Variants in GREP1 observed in about 807,000 individuals in gnomAD.
GREP1 encodes glycine-rich extracellular protein 1.
At chr16:2,990,788 T>C (rs533920995) in intron 7 of GREP1, among the ~76,000 whole-genome samples, 73 of 152,228 alleles carry the variant, frequency 4.8e-4, no homozygotes, top group African/African-American at 1.6e-3. Context: ...GATGTCTGGC[T>C]TGGTAAGGGG....
chr16:2,990,397 G>A (rs1452676632), intron 5 of GREP1, 155 bp from the exon 6 acceptor site: 3 of 398,872 alleles, frequency 7.5e-6, no homozygotes, highest in African/African-American at 6.2e-5. Flanking sequence ...AGGATTCTAG[G>A]GGTATCCCTG....
chr16:3,000,725 G>A, exon 33 of GREP1: 1 of 399,036 alleles, frequency 2.5e-6, no homozygotes, highest in Non-Finnish European at 4.4e-6. Context: ...GCAGGCCGGG[G>A]TGCTGTGGAA....
intron 5 of GREP1, 165 bp downstream of exon 5, chr16:2,990,287 G>T: frequency 2.5e-6 from 1 of 397,952 alleles, no homozygotes; most frequent in South Asian, 1.4e-4. Context: ...CCTCAGCTGG[G>T]ACCCCAAACC....
At chr16:2,999,513 C>T (rs1444959969) in intron 27 of GREP1, among the ~76,000 whole-genome samples, 2 of 124,594 alleles carry the variant, frequency 1.6e-5, no homozygotes, top group Non-Finnish European at 3.1e-5. Context: ...TTGAGACAGT[C>T]TCGCTCTGTC....
chr16:2,998,868 G>A (rs1001145304), exon 26 of GREP1: 16 of 398,956 alleles, frequency 4.0e-5, no homozygotes, highest in African/African-American at 8.2e-5. Context: ...TGCGAGGGTC[G>A]CTCCGATGCT....
In GREP1 at chr16:2,994,733, G is replaced by GGCGGGGCTGGGGTTTGGGGAGGC. The variant is rs2072415811; in HGVS notation, c.415+7_415+29dup. 2.5e-6 allele frequency: 1 copy of GGCGGGGCTGGGGTTTGGGGAGGC among 399,010 alleles called. No individual in the cohort carries two copies. The highest frequency in any genetic ancestry group is 2.1e-5 in the African/African-American group (1 of 48,632). 24.7% of individuals were successfully genotyped at this position (399,010 alleles called of 1,614,324 possible). On this transcript the variant is annotated splice_region_variant and intron_variant, in intron 11 of 34. Coordinates refer to ENST00000573315, the Ensembl canonical transcript of GREP1. ...TCAAAATGGCTATAGACCAGGTAGG[G>GGCGGGGCTGGGGTTTGGGGAGGC]GCGGGGCTGGGGTTTGGGGAGGCCC... is the stretch of plus-strand genomic sequence containing the variant.
intron 24 of GREP1, 40 bp from the exon 23 acceptor site, chr16:2,998,454 C>T (rs1443114005): frequency 2.5e-6 from 1 of 399,232 alleles, no homozygotes; most frequent in Non-Finnish European, 4.4e-6. Context: ...TAGCCTCTGC[C>T]CCCAGTGTTG....
At chr16:2,997,284 C>T (rs2151105249) in intron 21 of GREP1, 199 bp downstream of exon 20, 1 of 398,656 alleles carries the variant, frequency 2.5e-6, no homozygotes, top group Non-Finnish European at 4.4e-6. Flanking sequence ...GAGGTGGCGC[C>T]AGGATCCCTG....
chr16:2,996,447 A>AC, intron 18 of GREP1, 49 bp from the exon 18 acceptor site: 1 of 397,156 alleles, frequency 2.5e-6, no homozygotes. Flanking sequence ...TCCTCCTGAC[A>AC]CCCCCTCCGA....
chr16:2,993,005 GCA>G lies in GREP1; in HGVS notation c.385+43_385+44del, dbSNP rs564636920. The G allele has an allele frequency of 4.2e-4, 167 of 398,898 alleles. 1 individual carries two copies. In the South Asian group the frequency reaches 7.9e-3, roughly 19 times the overall value. 24.7% of individuals were successfully genotyped at this position (398,898 alleles called of 1,614,324 possible). On this transcript the variant is annotated intron_variant, in intron 10 of 34. Coordinates refer to ENST00000573315, the Ensembl canonical transcript of GREP1. ...CCCTGTCTCCCTGCCCATTTCCTAT[GCA>G]TCTGCCGCTGCTTCCCTAGAGTCCC... is the stretch of plus-strand genomic sequence containing the variant.
chr16:2,993,025 A>G, intron 10 of GREP1, 62 bp downstream of exon 11: 1 of 398,442 alleles, frequency 2.5e-6, no homozygotes, highest in South Asian at 1.3e-4. Context: ...CTGCTTCCCT[A>G]GAGTCCCTGA....
intron 33 of GREP1, 124 bp from the exon 28 acceptor site, chr16:3,001,157 T>C (rs112848284): frequency 2.0e-5 from 8 of 398,370 alleles, no homozygotes; most frequent in African/African-American, 8.2e-5. Flanking sequence ...TCTGAGAAAC[T>C]GAGGCAGAGC....
At chr16:2,990,864 G>A (rs914444781) in intron 7 of GREP1, among the ~76,000 whole-genome samples, 184 bp from the exon 7 acceptor site, 3 of 152,158 alleles carry the variant, frequency 2.0e-5, no homozygotes, top group Admixed American at 1.3e-4. Context: ...AGCCCAGGGC[G>A]GGGAGGTGGG....
intron 10 of GREP1, chr16:2,993,356 A>C: frequency 6.3e-6 from 1 of 158,694 alleles, no homozygotes; most frequent in Non-Finnish European, 1.4e-5. Flanking sequence ...CGACAAACCA[A>C]TCCAGGCCTG....
At chr16:3,001,961 A>G (rs572707480) in exon 35 of GREP1, 78 of 254,132 alleles carry the variant, frequency 3.1e-4, no homozygotes, top group African/African-American at 1.5e-3. Flanking sequence ...AGAACACTTC[A>G]TTCTTTGTGT....
At position 2,989,438 on chromosome 16, in the gene GREP1, C is replaced by G; in HGVS notation, c.101-85C>G. The G allele has an allele frequency of 2.5e-6, 1 of 399,108 alleles. No homozygotes were observed. The highest frequency in any genetic ancestry group is 4.4e-6 in the Non-Finnish European group (1 of 226,116). 24.7% of individuals were successfully genotyped at this position (399,108 alleles called of 1,614,324 possible). On this transcript the variant is annotated intron_variant, in intron 2 of 34. Transcript: ENST00000573315. The surrounding 1 kb of genome is among the most constrained non-coding windows in gnomAD (Gnocchi z 4.2). ...CCAAATGGCTACAGATCTGGTAAAGCTGGTGGCGGGGTGCTTGGGGAGGGT... is the reference window on the plus strand; with the variant it reads ...CCAAATGGCTACAGATCTGGTAAAGGTGGTGGCGGGGTGCTTGGGGAGGGT...
chr16:3,001,614 C>A, exon 35 of GREP1: 1 of 399,182 alleles, frequency 2.5e-6, no homozygotes, highest in East Asian at 3.6e-5. Flanking sequence ...GCCTGCCCAG[C>A]AAGGAAGACA....
chr16:2,998,725 G>T, intron 25 of GREP1, 123 bp from the exon 24 acceptor site: 1 of 398,498 alleles, frequency 2.5e-6, no homozygotes, highest in Non-Finnish European at 4.4e-6. Context: ...TCCCCCTAAG[G>T]TGCTGGGTCT....
rs1328507776 is a variant in GREP1, at chr16:2,989,393, A to T, written c.101-130A>T. The stretch of plus-strand genomic sequence containing the variant: ...TGTAAGTTCCCCTGCTTCCCCCTGA[A>T]CCCCACAGGCTTAGGGAGCCCAAAT... On this transcript the variant is annotated intron_variant, in intron 2 of 34. Coordinates refer to ENST00000573315, the Ensembl canonical transcript of GREP1. This position sits in a 1 kb window ranked among gnomAD's most constrained non-coding sequence, Gnocchi z 4.2. 2.5e-6 allele frequency: 1 copy of T among 398,196 alleles called. No individual in the cohort carries two copies. Among genetic ancestry groups the T allele is most frequent in the African/African-American group, 2.1e-5 (1 of 48,542 alleles). 24.7% of individuals were successfully genotyped at this position (398,196 alleles called of 1,614,324 possible). A position where few individuals can be genotyped will look rare whatever the true frequency, so the allele number is the denominator to read the frequency against.
Sources: gnomAD v4.1 joint callset for allele counts (sites outside exome capture counted in the v4.1 genomes callset) on GRCh38, gnomAD v4.1.1 for gene constraint, Gnocchi (gnomAD v3.1) non-coding constraint, MANE v1.5 for transcripts, NCBI Gene and HGNC (gene_info 2026-07-23, HGNC 2026-07-21) for gene names.